BCAR3: variants seen among roughly 807,000 people sequenced by gnomAD.
BCAR3 encodes the protein BCAR3 adaptor protein, NSP family member.
A neutral mutation model predicts 80.1 loss-of-function variants in BCAR3; 37 were observed. That is an observed-to-expected ratio of 0.46 (90% CI 0.36 to 0.61). The LOEUF (loss-of-function observed/expected upper bound fraction) is 0.61, where lower values mean the gene tolerates loss of function less well. Ranked by LOEUF, BCAR3 falls within the 20% of genes least tolerant of loss-of-function variation. The probability of loss-of-function intolerance (pLI) is 0.00; values close to 1 mark genes in which losing one functional copy is unlikely to be tolerated. For synonymous variants in BCAR3, 389 were observed against 418.9 expected (o/e 0.93, Z 0.87); for missense variants, 978 against 1,068.2 (o/e 0.92, Z 1.18).
intron 2 of BCAR3, among the ~76,000 whole-genome samples, chr1:93,727,022 C>T (rs1385556377): frequency 6.6e-6 from 1 of 152,142 alleles, no homozygotes; most frequent in Non-Finnish European, 1.5e-5. Flanking sequence ...CCTTGCAGAG[C>T]TTTTGTTTAT....
At chr1:93,824,464 C>G (rs1654316428) in intron 2 of BCAR3, among the ~76,000 whole-genome samples, 1 of 132,960 alleles carries the variant, frequency 7.5e-6, no homozygotes, top group African/African-American at 2.5e-5. Context: ...CCCATTCTTT[C>G]TTCTCCGTCC....
intron 2 of BCAR3, among the ~76,000 whole-genome samples, chr1:93,663,624 A>C (rs527853793): frequency 1.3e-5 from 2 of 152,288 alleles, no homozygotes; most frequent in South Asian, 2.1e-4. Flanking sequence ...TGCTAAGGAG[A>C]GGTAGTTCAA....
At chr1:93,612,142 A>G (rs989643701) in intron 3 of BCAR3, among the ~76,000 whole-genome samples, 1 of 152,164 alleles carries the variant, frequency 6.6e-6, no homozygotes, top group Non-Finnish European at 1.5e-5. Flanking sequence ...TTCCCAAGTA[A>G]CTAGCTAAGC....
intron 2 of BCAR3, among the ~76,000 whole-genome samples, chr1:93,664,532 TA>T (rs569326213): frequency 1.3e-3 from 198 of 152,342 alleles, no homozygotes; most frequent in African/African-American, 4.7e-3. Flanking sequence ...GCAGTTTCCC[TA>T]ATCATGTTAA....
chr1:93,566,643 T>C (rs1355591034), intron 11 of BCAR3, among the ~76,000 whole-genome samples: 1 of 152,140 alleles, frequency 6.6e-6, no homozygotes, highest in Non-Finnish European at 1.5e-5. Context: ...GGAATGCAGA[T>C]AAATGAGGTC....
chr1:93,598,769 A>G (rs749785259), intron 3 of BCAR3: 1 of 152,214 alleles, frequency 6.6e-6, no homozygotes, highest in Non-Finnish European at 1.5e-5. Flanking sequence ...TGTGGCCAGG[A>G]GTGTCCTGGA....
intron 2 of BCAR3, among the ~76,000 whole-genome samples, chr1:93,789,752 C>A (rs1653077597): frequency 6.6e-6 from 1 of 152,200 alleles, no homozygotes; most frequent in Admixed American, 6.5e-5. Context: ...ATTTTTCCTT[C>A]TGGAATGCCA....
At chr1:93,834,481 C>T (rs1654692447) in intron 2 of BCAR3, among the ~76,000 whole-genome samples, 1 of 152,148 alleles carries the variant, frequency 6.6e-6, no homozygotes, top group Non-Finnish European at 1.5e-5. Context: ...TACTAGCTCT[C>T]CCTAACTCAT....
intron 2 of BCAR3, among the ~76,000 whole-genome samples, chr1:93,651,691 G>T (rs193141730): frequency 2.0e-4 from 30 of 152,270 alleles, no homozygotes; most frequent in African/African-American, 6.7e-4. Context: ...AATGGTTAAA[G>T]AAGTCGATTA....
At chr1:93,571,990 A>C in intron 8 of BCAR3, 149 bp from the exon 9 acceptor site, 68 of 932,526 alleles carry the variant, frequency 7.3e-5, no homozygotes, top group Middle Eastern at 3.4e-4. Context: ...GGCCAATCTC[A>C]ACAGAGAGAA....
In BCAR3 at chr1:93,674,922, T is replaced by C. The variant is rs920736982; in HGVS notation, c.9A>G (p.Ala3=). Residue 3 remains alanine (A), a synonymous_variant, in exon 2 of 12, where the codon GCA becomes GCG. Coordinates refer to ENST00000260502, the MANE Select transcript of BCAR3 (RefSeq NM_003567.4). The part of the protein sequence containing the change: MA[A]GKFASLPRNM... ...TTCTGGGAAGGCTTGCAAATTTTCC[T>C]GCAGCCATAATTCTCAACTCTAAGG... 3.2e-6 allele frequency: 5 copies of C among 1,554,902 alleles called. No homozygotes were observed. Among genetic ancestry groups the C allele is most frequent in the Non-Finnish European group, 4.3e-6 (5 of 1,157,546 alleles).
chr1:93,665,822 A>T (rs1398048510), intron 2 of BCAR3, among the ~76,000 whole-genome samples: 1 of 152,110 alleles, frequency 6.6e-6, no homozygotes, highest in Non-Finnish European at 1.5e-5. Context: ...CAACCAAACA[A>T]ATAAAGCCTT....
At chr1:93,671,634 T>C (rs917331566) in intron 2 of BCAR3, among the ~76,000 whole-genome samples, 2 of 152,098 alleles carry the variant, frequency 1.3e-5, no homozygotes, top group African/African-American at 4.8e-5. Context: ...ACTGGAAGAG[T>C]TGAATGAGAA....
chr1:93,639,719 T>C (rs1266649550), intron 3 of BCAR3, among the ~76,000 whole-genome samples: 1 of 151,970 alleles, frequency 6.6e-6, no homozygotes, highest in Admixed American at 6.6e-5. Context: ...TCGGGTGATC[T>C]GCCCACCTCG....
intron 3 of BCAR3, among the ~76,000 whole-genome samples, chr1:93,625,719 T>C (rs1304978326): frequency 6.6e-6 from 1 of 152,176 alleles, no homozygotes; most frequent in Admixed American, 6.5e-5. Context: ...GAAAGGAAAT[T>C]GCCTTGAAGG....
intron 3 of BCAR3, among the ~76,000 whole-genome samples, chr1:93,631,171 T>A (rs1675608143): frequency 6.6e-6 from 1 of 152,172 alleles, no homozygotes; most frequent in African/African-American, 2.4e-5. Flanking sequence ...TGCAGACTCA[T>A]CCCCCAGTCT....
chr1:93,694,341 G>A (rs1022317982), intron 3 of BCAR3, among the ~76,000 whole-genome samples: 1 of 152,106 alleles, frequency 6.6e-6, no homozygotes, highest in Non-Finnish European at 1.5e-5. Context: ...ACTTTCCAGG[G>A]ACTGACGCCC....
intron 2 of BCAR3, among the ~76,000 whole-genome samples, chr1:93,797,006 T>C (rs537294744): frequency 6.6e-6 from 1 of 152,336 alleles, no homozygotes; most frequent in African/African-American, 2.4e-5. Flanking sequence ...GAGTACAGGC[T>C]GTGTACCCTG....
At chr1:93,626,843 A>G (rs1282339962) in intron 3 of BCAR3, among the ~76,000 whole-genome samples, 2 of 152,226 alleles carry the variant, frequency 1.3e-5, no homozygotes, top group African/African-American at 4.8e-5. Context: ...GTTTGTGTGA[A>G]GGAAAAGCAA....
Sources: gnomAD v4.1 joint callset for allele counts (sites outside exome capture counted in the v4.1 genomes callset) on GRCh38, gnomAD v4.1.1 for gene constraint, MANE v1.5 for transcripts, NCBI Gene and HGNC (gene_info 2026-07-23, HGNC 2026-07-21) for gene names.